Variants in ASIC2 observed in about 807,000 individuals in gnomAD.
The protein encoded by ASIC2 is acid-sensing ion channel 2.
Under a neutral mutation model 57.3 loss-of-function variants are expected in ASIC2, and 25 were observed. That is an observed-to-expected ratio of 0.44 (90% CI 0.32 to 0.61). ASIC2 has a LOEUF of 0.61. Ranked by LOEUF, ASIC2 falls within the 20% of genes least tolerant of loss-of-function variation. ASIC2 has a pLI of 0.06. For missense variants in ASIC2, 641 were observed against 738.1 expected, an observed-to-expected ratio of 0.87 and a Z score of 1.52; for synonymous variants, 319 against 307.5, an observed-to-expected ratio of 1.04 and a Z score of -0.39.
At chr17:33,789,229 C>A (rs1911694670) in intron 1 of ASIC2, among the ~76,000 whole-genome samples, 1 of 152,008 alleles carries the variant, frequency 6.6e-6, no homozygotes, top group Non-Finnish European at 1.5e-5. Context: ...TATAAATTAC[C>A]CAATCTCAGG....
At chr17:34,020,429 G>C (rs1907116798) in intron 1 of ASIC2, among the ~76,000 whole-genome samples, 1 of 152,156 alleles carries the variant, frequency 6.6e-6, no homozygotes, top group African/African-American at 2.4e-5. Flanking sequence ...CTGGTGGGGA[G>C]ATCATGGGAG....
chr17:34,063,079 C>A (rs749549406), intron 1 of ASIC2, among the ~76,000 whole-genome samples: 3 of 152,080 alleles, frequency 2.0e-5, no homozygotes, highest in Non-Finnish European at 4.4e-5. Context: ...AAGAAAATTA[C>A]AGACCGATAT....
At chr17:34,100,068 G>A (rs1376501502) in intron 1 of ASIC2, among the ~76,000 whole-genome samples, 1 of 152,036 alleles carries the variant, frequency 6.6e-6, no homozygotes, top group African/African-American at 2.4e-5. Context: ...CTCACCCCAG[G>A]AACCGCAAAC....
intron 1 of ASIC2, among the ~76,000 whole-genome samples, chr17:33,949,982 A>G (rs927806482): frequency 6.6e-6 from 1 of 152,172 alleles, no homozygotes; most frequent in African/African-American, 2.4e-5. Context: ...CCAGATCCTG[A>G]TCCTTGGTAG....
At chr17:33,032,902 C>A (rs1363474510) in intron 3 of ASIC2, among the ~76,000 whole-genome samples, 1 of 152,206 alleles carries the variant, frequency 6.6e-6, no homozygotes, top group Admixed American at 6.5e-5. Flanking sequence ...TCCCATCATG[C>A]TGAAGAATCT....
At chr17:33,062,370 C>T (rs1400143159) in intron 3 of ASIC2, among the ~76,000 whole-genome samples, 1 of 152,080 alleles carries the variant, frequency 6.6e-6, no homozygotes, top group Non-Finnish European at 1.5e-5. Flanking sequence ...TGTCTTTGTT[C>T]TTGTTGGTTT....
At chr17:33,558,600 T>G (rs555305257) in intron 1 of ASIC2, among the ~76,000 whole-genome samples, 3 of 152,330 alleles carry the variant, frequency 2.0e-5, no homozygotes, top group East Asian at 3.9e-4. Context: ...TCAGCAAACT[T>G]TCTCTTGAGG....
chr17:34,139,393 C>T (rs1912210287), intron 1 of ASIC2, among the ~76,000 whole-genome samples: 1 of 152,142 alleles, frequency 6.6e-6, no homozygotes, highest in Non-Finnish European at 1.5e-5. Flanking sequence ...TATAGGAAAA[C>T]TGGTTTGTTT....
chr17:33,292,064 C>A lies in ASIC2; in HGVS notation c.52G>T (p.Gly18Ter). The A allele has an allele frequency of 1.8e-6, 2 of 1,097,034 alleles. No individual in the cohort carries two copies. Among genetic ancestry groups the A allele is most frequent in the African/African-American group, 3.4e-5 (2 of 59,440 alleles). The allele number at this position is 1,097,034 out of a possible 1,614,324, so 68.0% of individuals were successfully genotyped here. Residue 18 changes from glycine (G) to a stop codon, truncating the protein, a stop_gained, in exon 1 of 10, where the codon GGA (glycine) becomes TGA (stop). Transcript: ENST00000225823. LOFTEE classifies it high-confidence loss of function. ...TCCTCGCGGGCCATGCGGAAGCGTC[C>A]CGGGCCGGTGAGCGCGGCTGCGGGC... is the stretch of plus-strand genomic sequence containing the variant. ...GLPAAALTGPGRFRMAREEPA... is the reference protein window; with the variant it reads ...GLPAAALTGP
intron 1 of ASIC2, among the ~76,000 whole-genome samples, chr17:33,636,376 G>C (rs542263746): frequency 6.6e-6 from 1 of 152,098 alleles, no homozygotes; most frequent in Non-Finnish European, 1.5e-5. Flanking sequence ...GTGCCTTAGG[G>C]GGAAGAAGGC....
At chr17:33,121,363 G>C (rs1401928841) in intron 1 of ASIC2, among the ~76,000 whole-genome samples, 1 of 152,246 alleles carries the variant, frequency 6.6e-6, no homozygotes, top group Non-Finnish European at 1.5e-5. Flanking sequence ...CCTGCAGACA[G>C]GTACTGGGTG....
chr17:33,243,733 C>CT (rs1207307044), intron 1 of ASIC2, among the ~76,000 whole-genome samples: 2 of 151,498 alleles, frequency 1.3e-5, no homozygotes, highest in Admixed American at 1.3e-4. Flanking sequence ...TCTTCTAGGG[C>CT]TTTTTTTCAC....
chr17:33,543,429 C>T (rs1915485244), intron 1 of ASIC2, among the ~76,000 whole-genome samples: 1 of 152,126 alleles, frequency 6.6e-6, no homozygotes, highest in Non-Finnish European at 1.5e-5. Flanking sequence ...GAGGTAGTGT[C>T]AGAAGTAACA....
intron 1 of ASIC2, among the ~76,000 whole-genome samples, chr17:33,180,015 T>C (rs1459123191): frequency 1.3e-5 from 2 of 152,200 alleles, no homozygotes; most frequent in African/African-American, 2.4e-5. Context: ...GATTGTCTCT[T>C]AGGGCTCTCT....
At chr17:33,266,102 C>T (rs1909448793) in intron 1 of ASIC2, among the ~76,000 whole-genome samples, 1 of 152,210 alleles carries the variant, frequency 6.6e-6, no homozygotes, top group Admixed American at 6.5e-5. Flanking sequence ...TCCTGTTTGA[C>T]ACCTTGCCAT....
At chr17:33,041,042 CT>C (rs1409697752) in intron 3 of ASIC2, among the ~76,000 whole-genome samples, 2 of 152,150 alleles carry the variant, frequency 1.3e-5, no homozygotes, top group Non-Finnish European at 2.9e-5. Flanking sequence ...CAAGGGGCCC[CT>C]GTTTGCCTGA....
chr17:33,423,609 C>T (rs916979344), intron 1 of ASIC2, among the ~76,000 whole-genome samples: 3 of 152,216 alleles, frequency 2.0e-5, no homozygotes, highest in Non-Finnish European at 4.4e-5. Context: ...TTAGCCCCTA[C>T]TCTACTGTGA....
At chr17:33,734,905 G>T (rs1909863708) in intron 1 of ASIC2, among the ~76,000 whole-genome samples, 1 of 152,120 alleles carries the variant, frequency 6.6e-6, no homozygotes, top group South Asian at 2.1e-4. Context: ...CCACTTTGTG[G>T]TCTTGTATTA....
At position 33,013,974 on chromosome 17, in the gene ASIC2, A is replaced by T; in HGVS notation, c.1683T>A (p.Ile561=). The change falls in exon 10 of 10, where the codon ATT becomes ATA. Residue 561 remains isoleucine (I), a synonymous_variant. Coordinates refer to ENST00000225823, the MANE Select transcript of ASIC2 (RefSeq NM_183377.2). ...LQTTLGTLEE[I]AC is the part of the protein sequence containing the mutation. ...GGTGACTCGAGGGGTGTCAGCAGGC[A>T]ATCTCCTCCAAGGTCCCCAGGGTCG... The T allele has an allele frequency of 6.3e-7, 1 of 1,592,302 alleles. No individual in the cohort carries two copies. Among genetic ancestry groups the T allele is most frequent in the African/African-American group, 1.3e-5 (1 of 74,462 alleles).
Sources: gnomAD v4.1 joint callset for allele counts (sites outside exome capture counted in the v4.1 genomes callset) on GRCh38, gnomAD v4.1.1 for gene constraint, MANE v1.5 for transcripts, NCBI Gene and HGNC (gene_info 2026-07-23, HGNC 2026-07-21) for gene names.